The following EML6 variants were observed in gnomAD, a reference collection of about 807,000 sequenced individuals.
EML6 encodes echinoderm microtubule-associated protein-like 6.
A neutral mutation model predicts 240.1 loss-of-function variants in EML6; 154 were observed. That is an observed-to-expected ratio of 0.64 (90% CI 0.56 to 0.73). The LOEUF is 0.73. Among genes scored for constraint, EML6 ranks in the 30% least tolerant of loss-of-function variants. The probability of loss-of-function intolerance (pLI) is 0.00; values close to 1 mark genes in which losing one functional copy is unlikely to be tolerated. For synonymous variants in EML6, 1,148 were observed against 899.0 expected (o/e 1.28, Z -4.95); for missense variants, 2,964 against 2,474.6 (o/e 1.20, Z -4.20).
intron 12 of EML6, among the ~76,000 whole-genome samples, chr2:54,860,812 T>C (rs901043225): frequency 1.3e-5 from 2 of 152,148 alleles, no homozygotes; most frequent in African/African-American, 2.4e-5. Flanking sequence ...ATGCAGCTCC[T>C]CATTTCTCCC....
chr2:54,784,829 ATTG>A (rs1350032111), intron 2 of EML6, among the ~76,000 whole-genome samples: 1 of 147,902 alleles, frequency 6.8e-6, no homozygotes, highest in Non-Finnish European at 1.5e-5. Context: ...GAGAAAACAA[ATTG>A]TTAAGAAAAT....
At chr2:54,841,782 G>A (rs377257875) in intron 7 of EML6, among the ~76,000 whole-genome samples, 67 of 151,840 alleles carry the variant, frequency 4.4e-4, no homozygotes, top group Non-Finnish European at 2.5e-4. Flanking sequence ...TAGTAGAGAC[G>A]GGATTTCACC....
intron 4 of EML6, among the ~76,000 whole-genome samples, chr2:54,817,350 A>G (rs2631841): frequency 0.85 from 129,685 of 152,252 alleles, 55,345 homozygotes; most frequent in Middle Eastern, 0.92. Flanking sequence ...AGTGTGATCA[A>G]AAATGATAAT....
At chr2:54,914,338 C>G (rs1268969870) in intron 25 of EML6, among the ~76,000 whole-genome samples, 1 of 152,174 alleles carries the variant, frequency 6.6e-6, no homozygotes, top group Non-Finnish European at 1.5e-5. Flanking sequence ...CTCTCAATTT[C>G]TCCTGTGGAT....
chr2:54,881,979 A>AGCTGTGCTGCTGGTG (rs1167652604), intron 17 of EML6: 2 of 152,290 alleles, frequency 1.3e-5, no homozygotes, highest in Non-Finnish European at 2.9e-5. Flanking sequence ...TGGCATCGTC[A>AGCTGTGCTGCTGGTG]GCTGTGCTGC....
At chr2:54,777,354 C>T (rs1390723879) in intron 2 of EML6, among the ~76,000 whole-genome samples, 1 of 152,166 alleles carries the variant, frequency 6.6e-6, no homozygotes, top group Non-Finnish European at 1.5e-5. Context: ...GTTGAGCGTC[C>T]TGATGGCTTC....
Position 54,725,297 on chromosome 2 carries a change from G to A in EML6, c.197+39G>A. The A allele has an allele frequency of 1.5e-6, 2 of 1,372,854 alleles. No homozygotes were observed. 85.0% of individuals were successfully genotyped at this position (1,372,854 alleles called of 1,614,324 possible). A position where few individuals can be genotyped will look rare whatever the true frequency, so the allele number is the denominator to read the frequency against. On this transcript the variant is annotated intron_variant, in intron 2 of 41. Coordinates refer to ENST00000356458, the MANE Select transcript of EML6 (RefSeq NM_001039753.4). This position sits in a 1 kb window ranked among gnomAD's most constrained non-coding sequence, Gnocchi z 4.3. The stretch of plus-strand genomic sequence containing the variant: ...CAGGGGCGGCGGGGAGGGGTTGCGT[G>A]TGGAGGCTGGGAAGGTGGGAAGCGG...
intron 7 of EML6, among the ~76,000 whole-genome samples, chr2:54,841,708 T>G (rs1450905195): frequency 6.7e-6 from 1 of 150,292 alleles, no homozygotes; most frequent in Non-Finnish European, 1.5e-5. Context: ...TTCTCGTGCC[T>G]CAGCCACCCG....
At chr2:54,751,934 C>G (rs1343874189) in intron 2 of EML6, among the ~76,000 whole-genome samples, 1 of 152,074 alleles carries the variant, frequency 6.6e-6, no homozygotes, top group East Asian at 1.9e-4. Context: ...TAACTGGAAT[C>G]CTTTAAGGGT....
At chr2:54,895,150 C>A (rs1403881204) in intron 20 of EML6, 123 bp from the exon 21 acceptor site, 7 of 1,328,460 alleles carry the variant, frequency 5.3e-6, no homozygotes, top group Non-Finnish European at 7.3e-6. Flanking sequence ...GAACTCTCTT[C>A]CTCTGGTAGA....
chr2:54,734,455 C>G (rs1262665629), intron 2 of EML6, among the ~76,000 whole-genome samples: 9 of 152,238 alleles, frequency 5.9e-5, no homozygotes, highest in Admixed American at 5.9e-4. Flanking sequence ...CTTGGAAGGC[C>G]AGTTGGGCAT....
intron 31 of EML6, 30 bp downstream of exon 31, chr2:54,952,722 C>G: frequency 2.0e-6 from 3 of 1,474,508 alleles, no homozygotes; most frequent in Non-Finnish European, 2.8e-6. Context: ...CTGAGGCTCT[C>G]CCAGCTTGCA....
Position 54,895,042 on chromosome 2 carries a change from A to G in EML6, c.2854+16A>G, listed in dbSNP as rs1672689206. 1 of 1,513,002 alleles carries G rather than the reference A, an allele frequency of 6.6e-7. No homozygotes were observed. Among genetic ancestry groups the G allele is most frequent in the East Asian group, 2.5e-5 (1 of 40,708 alleles). The allele number at this position is 1,513,002 out of a possible 1,614,324, so 93.7% of individuals were successfully genotyped here. A position where few individuals can be genotyped will look rare whatever the true frequency, so the allele number is the denominator to read the frequency against. ...AGCTCAAAAGGTGCCACTCCCAAAC[A>G]TGTAATAGAGATCTTTGTATTCATA... On this transcript the variant is annotated intron_variant, in intron 20 of 41. Coordinates refer to ENST00000356458, the MANE Select transcript of EML6 (RefSeq NM_001039753.4).
chr2:54,890,286 GTC>G (rs1456009202), intron 17 of EML6, among the ~76,000 whole-genome samples: 1 of 152,018 alleles, frequency 6.6e-6, no homozygotes, highest in African/African-American at 2.4e-5. Context: ...TATGATGTTT[GTC>G]TCTATATTCG....
At chr2:54,894,874 T>C in intron 19 of EML6, 41 bp from the exon 20 acceptor site, 1 of 1,420,750 alleles carries the variant, frequency 7.0e-7, no homozygotes, top group East Asian at 2.5e-5. Flanking sequence ...TAATTGGTCA[T>C]TTTGATGTGT....
chr2:54,869,973 A>G (rs962476976), intron 15 of EML6, among the ~76,000 whole-genome samples: 6 of 152,178 alleles, frequency 3.9e-5, no homozygotes, highest in African/African-American at 9.7e-5. Flanking sequence ...ACACAGATGT[A>G]TTACCTTGCT....
chr2:54,853,312 A>G (rs761641710), intron 10 of EML6, among the ~76,000 whole-genome samples: 3 of 152,198 alleles, frequency 2.0e-5, no homozygotes, highest in South Asian at 2.1e-4. Flanking sequence ...TACATTTAGT[A>G]TGATAATTTT....
chr2:54,928,245 C>T (rs367874704), intron 26 of EML6, 68 bp from the exon 27 acceptor site: 1 of 1,213,914 alleles, frequency 8.2e-7, no homozygotes, highest in Non-Finnish European at 1.2e-6. Context: ...TAGAAACTAA[C>T]ATGGATAAAC....
intron 2 of EML6, among the ~76,000 whole-genome samples, chr2:54,779,832 A>T (rs967837930): frequency 3.4e-5 from 5 of 147,074 alleles, no homozygotes; most frequent in African/African-American, 1.3e-4. Flanking sequence ...AGTGCACTGC[A>T]GCCTGGGTGA....
Sources: gnomAD v4.1 joint callset for allele counts (sites outside exome capture counted in the v4.1 genomes callset) on GRCh38, gnomAD v4.1.1 for gene constraint, Gnocchi (gnomAD v3.1) non-coding constraint, MANE v1.5 for transcripts, NCBI Gene and HGNC (gene_info 2026-07-23, HGNC 2026-07-21) for gene names.